Variants in PAN3 observed in about 807,000 individuals in gnomAD.
The protein encoded by PAN3 is poly(A) specific ribonuclease subunit PAN3, also known as PAN2-PAN3 deadenylation complex subunit PAN3.
Under a neutral mutation model 96.2 loss-of-function variants are expected in PAN3, and 19 were observed. That is an observed-to-expected ratio of 0.20 (90% CI 0.14 to 0.29). The LOEUF (loss-of-function observed/expected upper bound fraction) is 0.29. Among genes scored for constraint, PAN3 ranks in the 10% least tolerant of loss-of-function variants. The probability of loss-of-function intolerance (pLI) is 1.00; values close to 1 mark genes in which losing one functional copy is unlikely to be tolerated. For synonymous variants in PAN3, 433 were observed against 406.6 expected, an observed-to-expected ratio of 1.06 and a Z score of -0.78; for missense variants, 882 against 1,108.1, an observed-to-expected ratio of 0.80 and a Z score of 2.90.
chr13:28,232,135 G>A (rs932161111), intron 6 of PAN3, among the ~76,000 whole-genome samples: 2 of 152,130 alleles, frequency 1.3e-5, no homozygotes, highest in Admixed American at 6.5e-5. Context: ...TACTTTATTT[G>A]TAATATCTTT....
At chr13:28,164,198 T>A (rs140132590) in intron 1 of PAN3, among the ~76,000 whole-genome samples, 142 of 152,338 alleles carry the variant, frequency 9.3e-4, no homozygotes, top group African/African-American at 3.0e-3. Flanking sequence ...TTATACAGTT[T>A]TTTAAAATAA....
At chr13:28,141,462 CTTTTTTTTTTT>C (rs759736683) in intron 1 of PAN3, among the ~76,000 whole-genome samples, 20 of 90,318 alleles carry the variant, frequency 2.2e-4, no homozygotes, top group African/African-American at 4.3e-4. Context: ...TTCTTTTTTT[CTTTTTTTTTTT>C]TTTTTTTTTT....
intron 6 of PAN3, among the ~76,000 whole-genome samples, chr13:28,245,214 T>C (rs1884062988): frequency 6.6e-6 from 1 of 152,208 alleles, no homozygotes; most frequent in Non-Finnish European, 1.5e-5. Flanking sequence ...TTAGATTATT[T>C]TAGGGTAGAA....
intron 6 of PAN3, among the ~76,000 whole-genome samples, chr13:28,253,122 C>G (rs557588595): frequency 1.9e-4 from 29 of 152,208 alleles, no homozygotes; most frequent in South Asian, 1.0e-3. Flanking sequence ...ACCCTTTTAG[C>G]GTAAGATTCC....
At chr13:28,163,147 G>A (rs1249310259) in intron 1 of PAN3, among the ~76,000 whole-genome samples, 1 of 151,708 alleles carries the variant, frequency 6.6e-6, no homozygotes, top group Non-Finnish European at 1.5e-5. Context: ...AAGCCCAGGA[G>A]TTCGAGACCA....
At chr13:28,234,840 A>G (rs571186651) in intron 6 of PAN3, among the ~76,000 whole-genome samples, 1 of 152,006 alleles carries the variant, frequency 6.6e-6, no homozygotes, top group Non-Finnish European at 1.5e-5. Context: ...TTCCATATCT[A>G]CTTGGCTTTC....
At chr13:28,142,473 G>T (rs1869981849) in intron 1 of PAN3, among the ~76,000 whole-genome samples, 1 of 149,608 alleles carries the variant, frequency 6.7e-6, no homozygotes. Context: ...GGCCTTCATT[G>T]GTTAATTATG....
At chr13:28,158,989 A>G (rs1014507148) in intron 1 of PAN3, among the ~76,000 whole-genome samples, 1 of 152,192 alleles carries the variant, frequency 6.6e-6, no homozygotes, top group Non-Finnish European at 1.5e-5. Context: ...AAAATAACAG[A>G]TGCAGGTGAG....
rs544550202 is a variant in PAN3 at position 28,206,942 on chromosome 13, A to G, written c.852+9596A>G. ...CCTAGTCCTCTGCACTCATTCTATT[A>G]TATTTCTGGTTTCTTCTGAACATCT... On this transcript the variant is annotated intron_variant, in intron 5 of 18. Coordinates refer to ENST00000380958, the MANE Select transcript of PAN3 (RefSeq NM_175854.8). Among the ~76,000 whole-genome samples the G allele has an allele frequency of 8.4e-4, 127 of 152,066 alleles. No individual in the cohort carries two copies. The Middle Eastern group carries it at 0.01, about 12-fold the overall frequency.
chr13:28,233,401 G>A (rs1882784010), intron 6 of PAN3, among the ~76,000 whole-genome samples: 1 of 151,686 alleles, frequency 6.6e-6, no homozygotes, highest in South Asian at 2.1e-4. Flanking sequence ...TGAGTAGCCG[G>A]GATTACAGGC....
chr13:28,190,879 G>A (rs1877159847), intron 4 of PAN3, among the ~76,000 whole-genome samples: 1 of 152,180 alleles, frequency 6.6e-6, no homozygotes, highest in Admixed American at 6.5e-5. Context: ...TATATCAAGG[G>A]GATTGGGAAT....
chr13:28,189,382 G>C (rs1034184133), intron 4 of PAN3, among the ~76,000 whole-genome samples: 62 of 152,262 alleles, frequency 4.1e-4, no homozygotes, highest in African/African-American at 1.5e-3. Flanking sequence ...CAGATGTGGT[G>C]GTGGGTGCCT....
intron 1 of PAN3, among the ~76,000 whole-genome samples, chr13:28,149,505 T>G (rs1224479415): frequency 2.0e-5 from 3 of 152,364 alleles, no homozygotes; most frequent in Middle Eastern, 3.4e-3. Flanking sequence ...GGTAACTTAA[T>G]AAGTTCATAT....
intron 6 of PAN3, among the ~76,000 whole-genome samples, chr13:28,230,757 GTAAT>G (rs1007149308): frequency 3.4e-4 from 51 of 149,556 alleles, no homozygotes; most frequent in African/African-American, 1.3e-3. Context: ...GTGAATTTTT[GTAAT>G]TAATTTTCAT....
At chr13:28,228,056 G>GCACC (rs944738241) in intron 6 of PAN3, among the ~76,000 whole-genome samples, 1 of 152,174 alleles carries the variant, frequency 6.6e-6, no homozygotes, top group African/African-American at 2.4e-5. Context: ...TAGGTTGAGA[G>GCACC]CACCAGGGAT....
chr13:28,273,024 C>G (rs1886759835), intron 14 of PAN3, among the ~76,000 whole-genome samples: 1 of 152,098 alleles, frequency 6.6e-6, no homozygotes, highest in African/African-American at 2.4e-5. Flanking sequence ...TTAATTACAC[C>G]TATTATTTTT....
chr13:28,281,236 A>G lies in PAN3; in HGVS notation c.2320-79A>G. ...TTTAAAGGTAATATTGGTACAGGTT[A>G]CCAGTTTTTGTAAATTTTGGCTTTT... On this transcript the variant is annotated intron_variant, in intron 16 of 18. Coordinates refer to ENST00000380958, the MANE Select transcript of PAN3 (RefSeq NM_175854.8). 3.8e-6 allele frequency: 4 copies of G among 1,039,766 alleles called. No homozygotes were observed. In the South Asian group the frequency reaches 5.3e-5, roughly 14 times the overall value. 64.4% of individuals were successfully genotyped at this position (1,039,766 alleles called of 1,614,324 possible). A position where few individuals can be genotyped will look rare whatever the true frequency, so the allele number is the denominator to read the frequency against.
intron 9 of PAN3, 53 bp downstream of exon 9, chr13:28,261,511 G>A (rs371528264): frequency 4.9e-5 from 73 of 1,493,406 alleles, no homozygotes; most frequent in South Asian, 5.8e-5. Flanking sequence ...TAATTCTTAC[G>A]TGGTAGTACA....
intron 6 of PAN3, among the ~76,000 whole-genome samples, chr13:28,256,007 T>C (rs1885108739): frequency 6.6e-6 from 1 of 152,176 alleles, no homozygotes; most frequent in Non-Finnish European, 1.5e-5. Context: ...TTGGTCACTC[T>C]TGCTATTAAA....
Sources: gnomAD v4.1 joint callset for allele counts (sites outside exome capture counted in the v4.1 genomes callset) on GRCh38, gnomAD v4.1.1 for gene constraint, MANE v1.5 for transcripts, NCBI Gene and HGNC (gene_info 2026-07-23, HGNC 2026-07-21) for gene names.